The following IFT57 variants were observed in gnomAD, a reference collection of about 807,000 sequenced individuals.
IFT57 encodes intraflagellar transport 57.
A neutral mutation model predicts 56.8 loss-of-function variants in IFT57; 59 were observed. The observed-to-expected ratio is 1.04, with a 90% CI of 0.84 to 1.29. IFT57 has a LOEUF of 1.29. Ranked by LOEUF, IFT57 falls within the 50% of genes most tolerant of loss-of-function variation. The probability of loss-of-function intolerance (pLI) is 0.00; values close to 1 mark genes in which losing one functional copy is unlikely to be tolerated. For synonymous variants in IFT57, 209 were observed against 186.1 expected, an observed-to-expected ratio of 1.12 and a Z score of -1.00; for missense variants, 470 against 522.1, an observed-to-expected ratio of 0.90 and a Z score of 0.97.
intron 1 of IFT57, 48 bp downstream of exon 1, chr3:108,222,062 TC>T: frequency 6.4e-7 from 1 of 1,553,870 alleles, no homozygotes; most frequent in Non-Finnish European, 8.7e-7. Context: ...GGAGGGCATC[TC>T]CCTGGGGGCT....
Position 108,219,556 on chromosome 3 carries a change from G to A in IFT57, c.229C>T (p.Pro77Ser). The A allele has an allele frequency of 6.2e-7, 1 of 1,613,888 alleles. No homozygotes were observed. The highest frequency in any genetic ancestry group is 8.5e-7 in the Non-Finnish European group (1 of 1,179,828). Residue 77 changes from proline to serine, a missense_variant, in exon 2 of 11, where the codon CCT (proline) becomes TCT (serine). By Grantham distance (74) the Pro-to-Ser change is moderately conservative (BLOSUM62 -1). Transcript: ENST00000264538. Reference sequence around the variant, plus strand: ...TAGAACTGTTCGCCAGGGTTGGTAGGCAGTGCAAAATAGTGTCTGTTTCAA... The same window carrying A: ...TAGAACTGTTCGCCAGGGTTGGTAGACAGTGCAAAATAGTGTCTGTTTCAA... Reference protein sequence around the residue: ...KAPSRHYFALPTNPGEQFYMF... With the variant: ...KAPSRHYFALSTNPGEQFYMF...
At chr3:108,212,235 C>A (rs924796782) in intron 4 of IFT57, among the ~76,000 whole-genome samples, 1 of 151,924 alleles carries the variant, frequency 6.6e-6, no homozygotes, top group East Asian at 1.9e-4. Context: ...CCATGCCTGG[C>A]ATTTTTTTCT....
chr3:108,188,110 C>G lies in IFT57; in HGVS notation c.777+3411G>C, dbSNP rs796642876. On this transcript the variant is annotated intron_variant, in intron 6 of 10. Coordinates refer to ENST00000264538, the MANE Select transcript of IFT57 (RefSeq NM_018010.4). ...CCCTCCTCCCACCCCACAACAGGCC[C>G]CAGTGTGTGATGTTCCCCTTCCTGT... Among the ~76,000 whole-genome samples the G allele has an allele frequency of 7.2e-5, 11 of 152,090 alleles. 2 individuals are homozygous for G. The highest frequency in any genetic ancestry group is 2.7e-4 in the African/African-American group (11 of 41,480).
intron 5 of IFT57, among the ~76,000 whole-genome samples, chr3:108,194,485 A>AC (rs1011703533): frequency 1.2e-4 from 19 of 152,052 alleles, no homozygotes; most frequent in Non-Finnish European, 5.9e-5. Context: ...AATAAAAAAA[A>AC]AAATTCTAAA....
At chr3:108,187,972 G>T (rs2080193986) in intron 6 of IFT57, among the ~76,000 whole-genome samples, 1 of 151,376 alleles carries the variant, frequency 6.6e-6, no homozygotes, top group African/African-American at 2.4e-5. Flanking sequence ...AAGTTTCAGG[G>T]TACATGTGCA....
intron 6 of IFT57, among the ~76,000 whole-genome samples, chr3:108,180,659 A>G (rs2080146818): frequency 6.6e-6 from 1 of 152,032 alleles, no homozygotes; most frequent in East Asian, 1.9e-4. Context: ...AAATGGGATA[A>G]AAACCATAGG....
chr3:108,181,954 A>G (rs771586060), intron 6 of IFT57, among the ~76,000 whole-genome samples: 3 of 152,050 alleles, frequency 2.0e-5, no homozygotes, highest in Non-Finnish European at 4.4e-5. Context: ...TAGTTTCTCC[A>G]TTATTCAAAT....
At chr3:108,209,091 A>G (rs980121394) in intron 4 of IFT57, among the ~76,000 whole-genome samples, 3 of 152,224 alleles carry the variant, frequency 2.0e-5, no homozygotes, top group African/African-American at 7.2e-5. Flanking sequence ...GATGGTAGTT[A>G]TAAACACAAA....
At chr3:108,204,719 A>C (rs961958900) in intron 5 of IFT57, among the ~76,000 whole-genome samples, 7 of 152,044 alleles carry the variant, frequency 4.6e-5, no homozygotes, top group Non-Finnish European at 1.0e-4. Flanking sequence ...AGGAATCAAA[A>C]CATATCTACA....
rs536484909 is a variant in IFT57, at chr3:108,192,503, T to C, written c.655-860A>G. Among the ~76,000 whole-genome samples, 4 of 152,248 alleles carry C rather than the reference T, an allele frequency of 2.6e-5. No individual in the cohort carries two copies. In the East Asian group the frequency reaches 5.8e-4, roughly 22 times the overall value. On this transcript the variant is annotated intron_variant, in intron 5 of 10. Coordinates refer to ENST00000264538, the MANE Select transcript of IFT57 (RefSeq NM_018010.4). ...TTTTCTTTTTTCTCAGCCCTTCACATTTCAGCATTAAGTATGTATGGATCT... is the reference window on the plus strand; with the variant it reads ...TTTTCTTTTTTCTCAGCCCTTCACACTTCAGCATTAAGTATGTATGGATCT...
At position 108,177,975 on chromosome 3, in the gene IFT57, T is replaced by TCA. The variant is rs143867120; in HGVS notation, c.778-10113_778-10112dup. Among the ~76,000 whole-genome samples the TCA allele has an allele frequency of 1.7e-3, 261 of 150,486 alleles. 2 individuals carry two copies. The highest frequency in any genetic ancestry group is 5.5e-3 in the African/African-American group (226 of 41,124). On this transcript the variant is annotated intron_variant, in intron 6 of 10. Transcript: ENST00000264538. ...TACTGTTTAAAGTGAATTTAACAAGTCACACACACACACACAGCTAGATAC... is the reference window on the plus strand; with the variant it reads ...TACTGTTTAAAGTGAATTTAACAAGTCACACACACACACACACAGCTAGATAC...
intron 6 of IFT57, among the ~76,000 whole-genome samples, chr3:108,188,238 A>AAG (rs2080195734): frequency 6.6e-6 from 1 of 152,170 alleles, no homozygotes; most frequent in South Asian, 2.1e-4. Context: ...AGTCTGTGAG[A>AAG]AGAGAGCTCA....
intron 5 of IFT57, among the ~76,000 whole-genome samples, chr3:108,204,651 A>G (rs913450732): frequency 1.3e-5 from 2 of 152,190 alleles, no homozygotes. Flanking sequence ...GGTCATCATC[A>G]TCTCCAACAC....
rs371228961 is a variant in IFT57 at position 108,184,128 on chromosome 3, A to G, written c.777+7393T>C. 1.1e-3 allele frequency among the ~76,000 whole-genome samples: 168 copies of G among 152,214 alleles called. 1 individual carries two copies. The highest frequency in any genetic ancestry group is 4.0e-3 in the African/African-American group (166 of 41,534). On this transcript the variant is annotated intron_variant, in intron 6 of 10. Transcript: ENST00000264538. ...TCTAAGAAATGGACTCCTGAGCCAT[A>G]CTCATTAGGTCATAACCGAGGCATT...
Position 108,161,237 on chromosome 3 carries a change from C to T in IFT57, c.*1240G>A, listed in dbSNP as rs2080030182. On this transcript the variant is annotated 3_prime_UTR_variant, in exon 11 of 11. Transcript: ENST00000264538. The stretch of plus-strand genomic sequence containing the variant: ...GGTTTTCTGCCTTTTTTTTTTTAAA[C>T]AAATTAAATAAACTGGCATATTTGT... 6.7e-6 allele frequency: 1 copy of T among 149,440 alleles called. No individual in the cohort carries two copies. The highest frequency in any genetic ancestry group is 1.5e-5 in the Non-Finnish European group (1 of 67,428). The allele number at this position is 149,440 out of a possible 1,614,324, so 9.3% of individuals were successfully genotyped here.
intron 2 of IFT57, among the ~76,000 whole-genome samples, chr3:108,218,921 G>A (rs1173706389): frequency 6.6e-6 from 1 of 152,082 alleles, no homozygotes; most frequent in Non-Finnish European, 1.5e-5. Flanking sequence ...TTATTAGAGT[G>A]AAAAGAAACC....
chr3:108,196,081 C>G (rs2080243068), intron 5 of IFT57, among the ~76,000 whole-genome samples: 1 of 151,878 alleles, frequency 6.6e-6, no homozygotes, highest in Non-Finnish European at 1.5e-5. Flanking sequence ...CATTGTATGC[C>G]TTGTATCAAA....
intron 4 of IFT57, among the ~76,000 whole-genome samples, chr3:108,209,228 T>C (rs540462908): frequency 2.6e-5 from 4 of 152,358 alleles, no homozygotes; most frequent in Non-Finnish European, 4.4e-5. Context: ...GTAACATAGA[T>C]GTACTGACTT....
intron 6 of IFT57, among the ~76,000 whole-genome samples, chr3:108,190,920 G>A (rs2080211612): frequency 6.6e-6 from 1 of 152,106 alleles, no homozygotes; most frequent in African/African-American, 2.4e-5. Context: ...AGCCTCCTGA[G>A]TAGCTGGGAT....
Sources: gnomAD v4.1 joint callset for allele counts (sites outside exome capture counted in the v4.1 genomes callset) on GRCh38, gnomAD v4.1.1 for gene constraint, MANE v1.5 for transcripts, NCBI Gene and HGNC (gene_info 2026-07-23, HGNC 2026-07-21) for gene names.